MAF: variants seen among roughly 807,000 people sequenced by gnomAD.
MAF encodes MAF bZIP transcription factor, also known as transcription factor Maf.
In MAF, 10 loss-of-function variants were observed where a neutral mutation model predicts 22.0. That is an observed-to-expected ratio of 0.45 (90% CI 0.28 to 0.77). The LOEUF is 0.77. MAF is among the 30% of genes least tolerant of loss of function. The probability of loss-of-function intolerance (pLI) is 0.12; values close to 1 mark genes in which losing one functional copy is unlikely to be tolerated. For missense variants in MAF, 544 were observed against 548.4 expected, an observed-to-expected ratio of 0.99 and a Z score of 0.08; for synonymous variants, 337 against 255.8, an observed-to-expected ratio of 1.32 and a Z score of -3.03.
At chr16:79,211,650 G>C in the MAF span, 8 of 1,614,192 alleles carry the variant, frequency 5.0e-6, no homozygotes, top group Non-Finnish European at 6.8e-6. Flanking sequence ...TGCTGTCCCA[G>C]AACTGGAGGG....
chr16:79,210,580 C>G, the MAF span, among the ~76,000 whole-genome samples: 1 of 152,176 alleles, frequency 6.6e-6, no homozygotes, highest in Non-Finnish European at 1.5e-5. Context: ...TCCCTCTCAT[C>G]AGCTGAAAAT....
At chr16:79,443,932 C>A in the MAF span, among the ~76,000 whole-genome samples, 1 of 151,836 alleles carries the variant, frequency 6.6e-6, no homozygotes, top group African/African-American at 2.4e-5. Context: ...ATGAAGATTT[C>A]TATCTATGTC....
chr16:79,398,457 G>C, the MAF span, among the ~76,000 whole-genome samples: 2 of 152,162 alleles, frequency 1.3e-5, no homozygotes, highest in East Asian at 3.9e-4. Context: ...ATGTGGGGCA[G>C]GGATGGGTGC....
the MAF span, among the ~76,000 whole-genome samples, chr16:79,570,773 T>A: frequency 2.0e-5 from 3 of 152,344 alleles, no homozygotes; most frequent in South Asian, 6.2e-4. Context: ...ACAATACAAC[T>A]GGTCCTTCTG....
the MAF span, among the ~76,000 whole-genome samples, chr16:79,234,696 G>A: frequency 5.3e-5 from 8 of 152,070 alleles, no homozygotes; most frequent in African/African-American, 1.9e-4. Flanking sequence ...GGTAGCCCCT[G>A]ACTTTAGATC....
the MAF span, among the ~76,000 whole-genome samples, chr16:79,285,432 G>C: frequency 6.6e-6 from 1 of 152,112 alleles, no homozygotes; most frequent in Non-Finnish European, 1.5e-5. Context: ...AAGCTGTACA[G>C]CTGGAAAATA....
chr16:79,420,600 C>T, the MAF span, among the ~76,000 whole-genome samples: 1 of 152,222 alleles, frequency 6.6e-6, no homozygotes, highest in East Asian at 1.9e-4. Flanking sequence ...GCATTGGCCA[C>T]ATCATTACCG....
At chr16:79,498,362 C>T in the MAF span, among the ~76,000 whole-genome samples, 1 of 152,078 alleles carries the variant, frequency 6.6e-6, no homozygotes, top group Non-Finnish European at 1.5e-5. Context: ...CTTATGGGCA[C>T]TAAAATTTAA....
the MAF span, among the ~76,000 whole-genome samples, chr16:79,456,959 C>CA: frequency 3.3e-5 from 5 of 151,924 alleles, no homozygotes; most frequent in East Asian, 9.7e-4. Flanking sequence ...CACACACACA[C>CA]CCTTGGAGCC....
chr16:79,356,387 G>A, the MAF span, among the ~76,000 whole-genome samples: 1 of 152,182 alleles, frequency 6.6e-6, no homozygotes, highest in African/African-American at 2.4e-5. Flanking sequence ...TGGTTTTGTT[G>A]AAACCAATGC....
At chr16:79,598,376 A>G in intron 1 of MAF, 1 of 1,169,398 alleles carries the variant, frequency 8.6e-7, no homozygotes, top group South Asian at 2.2e-5. Context: ...CAGGCTTCAA[A>G]GGTGATCAAC....
At chr16:79,248,671 T>C in the MAF span, among the ~76,000 whole-genome samples, 2 of 152,328 alleles carry the variant, frequency 1.3e-5, no homozygotes, top group East Asian at 3.9e-4. Flanking sequence ...GTAGGGTATC[T>C]TGCACTGTTT....
At chr16:79,214,964 C>T in the MAF span, among the ~76,000 whole-genome samples, 27 of 152,002 alleles carry the variant, frequency 1.8e-4, no homozygotes, top group East Asian at 5.0e-3. Context: ...CCCACCTCAG[C>T]CCCCCAAAGT....
the MAF span, among the ~76,000 whole-genome samples, chr16:79,398,831 T>C: frequency 2.0e-5 from 3 of 152,176 alleles, no homozygotes; most frequent in Admixed American, 6.5e-5. Context: ...GTTCAGATTC[T>C]CTCCCCAGTT....
chr16:79,282,461 G>C, the MAF span, among the ~76,000 whole-genome samples: 1 of 152,114 alleles, frequency 6.6e-6, no homozygotes, highest in African/African-American at 2.4e-5. Context: ...AATATTAATG[G>C]TGTCACCAAA....
the MAF span, among the ~76,000 whole-genome samples, chr16:79,567,688 C>A: frequency 0.071 from 10,816 of 152,264 alleles, 545 homozygotes; most frequent in Middle Eastern, 0.16. Flanking sequence ...TATCTCCTCC[C>A]TGCCTACCAT....
At chr16:79,365,122 C>T in the MAF span, among the ~76,000 whole-genome samples, 1 of 152,174 alleles carries the variant, frequency 6.6e-6, no homozygotes, top group South Asian at 2.1e-4. Context: ...TTTGGGTTTA[C>T]TAGTATAGGA....
chr16:79,426,235 C>T, the MAF span, among the ~76,000 whole-genome samples: 1 of 151,714 alleles, frequency 6.6e-6, no homozygotes, highest in Non-Finnish European at 1.5e-5. Flanking sequence ...AACATCTTCA[C>T]TGAGGTGGAA....
chr16:79,208,688 T>G, the MAF span, among the ~76,000 whole-genome samples: 3,609 of 152,254 alleles, frequency 0.024, 76 homozygotes, highest in Non-Finnish European at 0.034. Context: ...ACCTGCTTGT[T>G]TACTATTGAG....
Sources: allele counts gnomAD v4.1 joint callset (sites outside exome capture counted in the v4.1 genomes callset), GRCh38; gene constraint gnomAD v4.1.1; transcripts MANE v1.5; gene names NCBI Gene and HGNC (gene_info 2026-07-23, HGNC 2026-07-21).